The following PLA2G4A variants were observed in gnomAD, a reference collection of about 807,000 sequenced individuals.
The protein encoded by PLA2G4A is cytosolic phospholipase A2.
A neutral mutation model predicts 81.9 loss-of-function variants in PLA2G4A; 40 were observed. The ratio of observed to expected loss-of-function variants is 0.49; its 90% CI spans 0.38 to 0.64. PLA2G4A has a LOEUF of 0.64. Among genes scored for constraint, PLA2G4A ranks in the 30% least tolerant of loss-of-function variants. The pLI, the probability that PLA2G4A is intolerant of heterozygous loss-of-function variation, is 0.00. For missense variants in PLA2G4A, 715 were observed against 905.1 expected, an observed-to-expected ratio of 0.79 and a Z score of 2.69; for synonymous variants, 302 against 296.9, an observed-to-expected ratio of 1.02 and a Z score of -0.18.
Position 186,968,432 on chromosome 1 carries a change from G to GTGTGTGTGTGTGTT in PLA2G4A, c.1764+2840_1764+2841insGTGTGTGTGTGTTT, listed in dbSNP as rs1307238336. Among the ~76,000 whole-genome samples, 46 of 151,194 alleles carry GTGTGTGTGTGTGTT rather than the reference G, an allele frequency of 3.0e-4. 2 individuals are homozygous for GTGTGTGTGTGTGTT. The South Asian group carries it at 9.6e-3, about 32-fold the overall frequency. On this transcript the variant is annotated intron_variant, in intron 15 of 17. Transcript: ENST00000367466. The stretch of plus-strand genomic sequence containing the variant: ...TGTGTGTGTGTGTGTGTGTGTGTGT[G>GTGTGTGTGTGTGTT]TATGTGTCTATACCAGGGTCATGTA...
chr1:186,858,898 AAACC>A (rs1280831802), intron 2 of PLA2G4A, among the ~76,000 whole-genome samples: 1 of 151,608 alleles, frequency 6.6e-6, no homozygotes, highest in African/African-American at 2.4e-5. Flanking sequence ...TATGGAAAAA[AAACC>A]AACTGTGGGT....
chr1:186,913,011 A>G (rs1655018090), intron 7 of PLA2G4A, among the ~76,000 whole-genome samples: 2 of 151,194 alleles, frequency 1.3e-5, no homozygotes, highest in African/African-American at 2.4e-5. Flanking sequence ...AGAAAATGCC[A>G]TAAATCTTGT....
chr1:186,848,114 A>G (rs1431349769), intron 1 of PLA2G4A, among the ~76,000 whole-genome samples: 2 of 152,108 alleles, frequency 1.3e-5, no homozygotes, highest in Admixed American at 1.3e-4. Flanking sequence ...TGTGGAAAAA[A>G]ACACAAGCCC....
At chr1:186,924,565 C>G (rs553595167) in intron 7 of PLA2G4A, among the ~76,000 whole-genome samples, 60 of 152,120 alleles carry the variant, frequency 3.9e-4, no homozygotes, top group Admixed American at 1.0e-3. Context: ...TCTTTCTCCT[C>G]ATTCTATTTC....
chr1:186,874,160 G>C (rs953281955), intron 3 of PLA2G4A, among the ~76,000 whole-genome samples: 2 of 152,110 alleles, frequency 1.3e-5, no homozygotes, highest in African/African-American at 2.4e-5. Flanking sequence ...GGGTTAATGT[G>C]TGTTAAACTC....
chr1:186,882,721 A>T (rs913628814), intron 3 of PLA2G4A, among the ~76,000 whole-genome samples: 12 of 152,120 alleles, frequency 7.9e-5, no homozygotes, highest in Non-Finnish European at 1.5e-4. Context: ...GCATTATAGA[A>T]GGTGCCTTGA....
chr1:186,933,229 C>T (rs1229703336), intron 8 of PLA2G4A, among the ~76,000 whole-genome samples: 1 of 152,094 alleles, frequency 6.6e-6, no homozygotes, highest in Non-Finnish European at 1.5e-5. Context: ...ATTTAATCTT[C>T]TTATAATTTG....
chr1:186,933,482 A>G, intron 8 of PLA2G4A, among the ~76,000 whole-genome samples: 1 of 152,166 alleles, frequency 6.6e-6, no homozygotes, highest in Non-Finnish European at 1.5e-5. Flanking sequence ...TGTACCCTGT[A>G]GGTTTTCACA....
chr1:186,969,882 T>A (rs1657278571), intron 15 of PLA2G4A, among the ~76,000 whole-genome samples: 1 of 152,018 alleles, frequency 6.6e-6, no homozygotes, highest in African/African-American at 2.4e-5. Flanking sequence ...GGAGTACAAA[T>A]ATCTCTTCAA....
chr1:186,842,897 A>G (rs913747428), intron 1 of PLA2G4A, among the ~76,000 whole-genome samples: 2 of 152,216 alleles, frequency 1.3e-5, no homozygotes, highest in African/African-American at 2.4e-5. Flanking sequence ...CCTCCCTGCT[A>G]AGACTCGAAT....
At chr1:186,861,029 T>A (rs531022595) in intron 2 of PLA2G4A, among the ~76,000 whole-genome samples, 1 of 152,358 alleles carries the variant, frequency 6.6e-6, no homozygotes, top group South Asian at 2.1e-4. Flanking sequence ...ACTCGTTATA[T>A]TCCCAGTTAT....
intron 17 of PLA2G4A, among the ~76,000 whole-genome samples, chr1:186,984,076 T>A (rs531780660): frequency 6.6e-6 from 1 of 152,340 alleles, no homozygotes; most frequent in Admixed American, 6.5e-5. Flanking sequence ...CCTTGTATTC[T>A]GTAGACATAC....
Position 186,939,983 on chromosome 1 carries a change from A to T in PLA2G4A, c.922A>T (p.Met308Leu). The change falls in exon 10 of 18, where the codon ATG becomes TTG. Residue 308 changes from methionine to leucine, a missense_variant. Coordinates refer to ENST00000367466, the MANE Select transcript of PLA2G4A (RefSeq NM_024420.3). ...TTTTTCTTTCTTCTGTGGACAGAGA[A>T]TGAATACTACTCTGAGCAGTTTGAA... The part of the protein sequence containing the change: ...LIGETLIHNR[M>L]NTTLSSLKEK... 1 of 1,433,148 alleles carries T rather than the reference A, an allele frequency of 7.0e-7. No individual in the cohort carries two copies. Among genetic ancestry groups the T allele is most frequent in the Non-Finnish European group, 9.9e-7 (1 of 1,014,780 alleles). The allele number at this position is 1,433,148 out of a possible 1,614,324, so 88.8% of individuals were successfully genotyped here.
chr1:186,959,832 C>A (rs1388645449), intron 14 of PLA2G4A, among the ~76,000 whole-genome samples: 3 of 152,096 alleles, frequency 2.0e-5, no homozygotes, highest in African/African-American at 7.2e-5. Context: ...CCAACTAAAA[C>A]TTTTAGCCAC....
At chr1:186,839,662 A>C (rs1225534449) in intron 1 of PLA2G4A, among the ~76,000 whole-genome samples, 1 of 152,142 alleles carries the variant, frequency 6.6e-6, no homozygotes, top group Non-Finnish European at 1.5e-5. Context: ...CTTTCAGTTC[A>C]TTTCAACCTG....
intron 10 of PLA2G4A, among the ~76,000 whole-genome samples, chr1:186,945,068 G>A (rs1450820353): frequency 6.6e-6 from 1 of 152,108 alleles, no homozygotes; most frequent in African/African-American, 2.4e-5. Context: ...AATGAAGTGG[G>A]TTAGAGAATT....
At chr1:186,896,702 C>T (rs1348027615) in intron 5 of PLA2G4A, among the ~76,000 whole-genome samples, 2 of 152,202 alleles carry the variant, frequency 1.3e-5, no homozygotes, top group African/African-American at 4.8e-5. Context: ...AGGCTTTCCA[C>T]ATTCCTGAAT....
intron 16 of PLA2G4A, among the ~76,000 whole-genome samples, chr1:186,978,036 T>C (rs796305285): frequency 7.2e-5 from 11 of 152,376 alleles, no homozygotes; most frequent in African/African-American, 2.6e-4. Flanking sequence ...TCTCTGGGAC[T>C]TTACTTCAAT....
chr1:186,873,548 T>G (rs1049884373), intron 3 of PLA2G4A, among the ~76,000 whole-genome samples: 1 of 152,074 alleles, frequency 6.6e-6, no homozygotes, highest in African/African-American at 2.4e-5. Flanking sequence ...CTGAGTGCTT[T>G]CTCAACGGTA....
Sources: allele counts gnomAD v4.1 joint callset (sites outside exome capture counted in the v4.1 genomes callset), GRCh38; gene constraint gnomAD v4.1.1; transcripts MANE v1.5; gene names NCBI Gene and HGNC (gene_info 2026-07-23, HGNC 2026-07-21).